The following TJP2 variants were observed in gnomAD, a reference collection of about 807,000 sequenced individuals.
TJP2 encodes Friedreich ataxia region gene X104 (tight junction protein ZO-2).
In TJP2, 91 loss-of-function variants were observed where a neutral mutation model predicts 133.1. The ratio of observed to expected loss-of-function variants is 0.68; its 90% confidence interval spans 0.58 to 0.81. TJP2 has a LOEUF of 0.81. Ranked by LOEUF, TJP2 falls within the 40% of genes least tolerant of loss-of-function variation. TJP2 has a pLI of 0.00. For missense variants in TJP2, 1,541 were observed against 1,565.6 expected (o/e 0.98, Z 0.26); for synonymous variants, 592 against 583.4 (o/e 1.01, Z -0.21).
intron 1 of TJP2, among the ~76,000 whole-genome samples, chr9:69,197,882 C>T (rs35266980): frequency 0.25 from 37,362 of 152,040 alleles, 5,568 homozygotes; most frequent in East Asian, 0.34. Flanking sequence ...CTACCTCCCA[C>T]TGGAAGGTTT....
At chr9:69,150,278 TA>T (rs1482664927) in intron 1 of TJP2, among the ~76,000 whole-genome samples, 1 of 151,736 alleles carries the variant, frequency 6.6e-6, no homozygotes, top group Non-Finnish European at 1.5e-5. Flanking sequence ...TTTACTATAA[TA>T]AAAAATTTTT....
chr9:69,175,810 T>C (rs940958035), intron 1 of TJP2, among the ~76,000 whole-genome samples: 3 of 152,204 alleles, frequency 2.0e-5, no homozygotes, highest in Non-Finnish European at 4.4e-5. Flanking sequence ...TTGTGTTTTT[T>C]TCAGAACTAC....
chr9:69,169,736 CAT>C (rs966200826), upstream of TJP2, among the ~76,000 whole-genome samples: 30 of 151,522 alleles, frequency 2.0e-4, no homozygotes, highest in African/African-American at 5.6e-4. Context: ...CAGATATATA[CAT>C]ATATATATAT....
At chr9:69,231,116 GTT>G (rs11329458) in intron 11 of TJP2, among the ~76,000 whole-genome samples, 5 of 150,800 alleles carry the variant, frequency 3.3e-5, no homozygotes, top group Non-Finnish European at 5.9e-5. Context: ...TGTTTTTTTT[GTT>G]TTTTTTTGTT....
chr9:69,211,247 G>T (rs896262624), intron 1 of TJP2, among the ~76,000 whole-genome samples: 1 of 152,234 alleles, frequency 6.6e-6, no homozygotes, highest in Non-Finnish European at 1.5e-5. Flanking sequence ...TGAGTCAGGA[G>T]AATCGCTTGA....
At position 69,231,046 on chromosome 9, in the gene TJP2, G is replaced by C. The variant is rs537158963; in HGVS notation, c.1671+814G>C. On this transcript the variant is annotated intron_variant, in intron 11 of 22. Transcript: ENST00000377245. ...TGTGTAGCATTCTTTGTTGACTTCGGAATAAATTTCAAGAACATCAAGTAT... is the reference window on the plus strand; with the variant it reads ...TGTGTAGCATTCTTTGTTGACTTCGCAATAAATTTCAAGAACATCAAGTAT... Among the ~76,000 whole-genome samples the C allele has an allele frequency of 1.1e-4, 16 of 152,162 alleles. No individual in the cohort carries two copies. The South Asian group carries it at 3.3e-3, about 32-fold the overall frequency.
intron 1 of TJP2, among the ~76,000 whole-genome samples, chr9:69,195,390 A>G (rs561786910): frequency 1.3e-5 from 2 of 152,020 alleles, no homozygotes; most frequent in South Asian, 4.2e-4. Context: ...CTAGGAACAT[A>G]GAGGTCTTAA....
At chr9:69,174,231 G>T (rs994785121), upstream of TJP2, 22 of 1,492,786 alleles carry the variant, frequency 1.5e-5, no homozygotes, top group Non-Finnish European at 1.9e-5. Context: ...AGGGACAAAG[G>T]GGTGGGTCCC....
rs1330606262 is a variant in TJP2 at position 69,126,759 on chromosome 9, C to T, written c.-131+5034C>T. Among the ~76,000 whole-genome samples the T allele has an allele frequency of 3.9e-5, 3 of 77,474 alleles. 1 individual carries two copies. The highest frequency in any genetic ancestry group is 6.0e-5 in the Non-Finnish European group (2 of 33,460). 50.8% of individuals were successfully genotyped at this position (77,474 alleles called of 152,430 possible). ...AGCCATAAATTTACCTAGCACTTTTCAGTGTACTTTTTAGTTAACTGAGGC... is the reference window on the plus strand; with the variant it reads ...AGCCATAAATTTACCTAGCACTTTTTAGTGTACTTTTTAGTTAACTGAGGC... On this transcript the variant is annotated intron_variant, in intron 1 of 5. Transcript: ENST00000423935.
chr9:69,180,995 A>G (rs992210888), intron 1 of TJP2, among the ~76,000 whole-genome samples: 1 of 152,178 alleles, frequency 6.6e-6, no homozygotes, highest in Non-Finnish European at 1.5e-5. Flanking sequence ...GATTTGGGGC[A>G]GGCTTGTTGT....
chr9:69,173,545 C>T (rs1453173835), upstream of TJP2, among the ~76,000 whole-genome samples: 3 of 152,108 alleles, frequency 2.0e-5, no homozygotes, highest in African/African-American at 4.8e-5. Flanking sequence ...AAGAGATAAC[C>T]TGGAATATAT....
rs139082742 is a variant in TJP2 at position 69,236,104 on chromosome 9, T to A, written c.1857T>A (p.Thr619=). 1.2e-6 allele frequency: 2 copies of A among 1,614,098 alleles called. No homozygotes were observed. The highest frequency in any genetic ancestry group is 1.7e-6 in the Non-Finnish European group (2 of 1,180,010). The change falls in exon 13 of 23, where the codon ACT becomes ACA. Residue 619 remains threonine, a synonymous_variant. Transcript: ENST00000377245. ...GCCACTTTGAATGTGAGAAGGAAAC[T>A]CCACAGAGCCTGGCCTTCACCAGAG... ...IRSHFECEKE[T]PQSLAFTRGE...
In TJP2 at chr9:69,248,869, A is replaced by G. The variant is rs1831119486; in HGVS notation, c.2881-506A>G. The G allele has an allele frequency of 4.0e-6, 4 of 993,352 alleles. No individual in the cohort carries two copies. The South Asian group carries it at 1.8e-4, about 45-fold the overall frequency. The allele number at this position is 993,352 out of a possible 1,614,324, so 61.5% of individuals were successfully genotyped here. ...AATGTTGGAATAATGATCTTTGAAG[A>G]TGGGATTGTTCATATATTTGGATAA... On this transcript the variant is annotated intron_variant, in intron 19 of 22. Transcript: ENST00000377245.
At chr9:69,234,400 T>TTCTTTCTTTC (rs746671312) in intron 11 of TJP2, 39 bp from the exon 12 acceptor site, 5 of 799,614 alleles carry the variant, frequency 6.3e-6, no homozygotes, top group South Asian at 4.2e-5. Flanking sequence ...CTTTCTTTCT[T>TTCTTTCTTTC]TTTTTTTTTT....
chr9:69,253,975 TAGGTC>T (rs1417988602), intron 22 of TJP2: 4 of 564,324 alleles, frequency 7.1e-6, no homozygotes, highest in African/African-American at 3.7e-5. Context: ...GGGAGATTCT[TAGGTC>T]AGGGAGCACC....
At chr9:69,217,077 C>A (rs987136968) in intron 3 of TJP2, among the ~76,000 whole-genome samples, 1 of 150,296 alleles carries the variant, frequency 6.7e-6, no homozygotes, top group Non-Finnish European at 1.5e-5. Flanking sequence ...CAACCATCAC[C>A]TTCCGAGTTC....
chr9:69,169,200 G>C (rs906957358), intron 2 of TJP2, among the ~76,000 whole-genome samples: 1 of 152,138 alleles, frequency 6.6e-6, no homozygotes, highest in Non-Finnish European at 1.5e-5. Context: ...CTGTGAGCAG[G>C]CTCCCTTTTA....
At chr9:69,166,400 C>A (rs888807886) in intron 2 of TJP2, among the ~76,000 whole-genome samples, 3 of 149,276 alleles carry the variant, frequency 2.0e-5, no homozygotes, top group South Asian at 2.2e-4. Flanking sequence ...ATCTGCCTAA[C>A]CTTATTTACT....
At chr9:69,152,742 G>A (rs896251218) in intron 2 of TJP2, among the ~76,000 whole-genome samples, 1 of 151,718 alleles carries the variant, frequency 6.6e-6, no homozygotes, top group Admixed American at 6.6e-5. Context: ...ATTCAAGTGG[G>A]GGAAGTCCTC....
Sources: gnomAD v4.1 joint callset for allele counts (sites outside exome capture counted in the v4.1 genomes callset) on GRCh38, gnomAD v4.1.1 for gene constraint, MANE v1.5 for transcripts, NCBI Gene and HGNC (gene_info 2026-07-23, HGNC 2026-07-21) for gene names.